Variants in MAD1L1 observed in about 807,000 individuals in gnomAD.
MAD1L1 encodes the protein mitotic arrest deficient 1 like 1.
MAD1L1 carries 95 observed loss-of-function variants against 96.9 expected under a neutral mutation model. That is an observed-to-expected ratio of 0.98 (90% CI 0.83 to 1.16). The LOEUF (loss-of-function observed/expected upper bound fraction) is 1.16, where lower values mean the gene tolerates loss of function less well. Among genes scored for constraint, MAD1L1 ranks in the 50% most tolerant of loss-of-function variants. MAD1L1 has a pLI of 0.00. For missense variants in MAD1L1, 1,007 were observed against 954.4 expected, an observed-to-expected ratio of 1.06 and a Z score of -0.73; for synonymous variants, 473 against 396.6, an observed-to-expected ratio of 1.19 and a Z score of -2.29.
Position 2,048,150 on chromosome 7 carries a change from C to G in MAD1L1, c.1218+21044G>C, listed in dbSNP as rs568510289. On this transcript the variant is annotated intron_variant, in intron 12 of 18. Transcript: ENST00000265854. ...TGTGTGCATGCATGCACACTGAGCA[C>G]CGACACGGGTGTGTTCATGAACACC... 9.9e-5 allele frequency among the ~76,000 whole-genome samples: 15 copies of G among 152,224 alleles called. 1 individual carries two copies. The highest frequency in any genetic ancestry group is 1.9e-4 in the Non-Finnish European group (13 of 68,032).
chr7:1,990,765 T>C (rs558997412), intron 14 of MAD1L1, among the ~76,000 whole-genome samples: 15 of 144,320 alleles, frequency 1.0e-4, no homozygotes, highest in African/African-American at 3.9e-4. Context: ...AGAGCGCCAC[T>C]GCTGGCCTCA....
intron 18 of MAD1L1, among the ~76,000 whole-genome samples, chr7:1,824,069 G>C (rs1209916725): frequency 1.3e-5 from 2 of 152,160 alleles, no homozygotes; most frequent in Non-Finnish European, 2.9e-5. Flanking sequence ...CTGACCGGGG[G>C]CTGCTCCCTC....
chr7:1,897,499 C>T (rs757450250), intron 18 of MAD1L1, among the ~76,000 whole-genome samples: 13 of 152,212 alleles, frequency 8.5e-5, no homozygotes, highest in Non-Finnish European at 1.3e-4. Context: ...GTTAGCTCAC[C>T]GGGGCAGTGA....
chr7:2,061,355 T>A (rs1026893091), intron 12 of MAD1L1, among the ~76,000 whole-genome samples: 2 of 98,702 alleles, frequency 2.0e-5, no homozygotes, highest in Non-Finnish European at 5.0e-5. Context: ...ATAATAAAAT[T>A]AAAATAAAAT....
chr7:2,042,778 C>T (rs1783745038), intron 12 of MAD1L1, among the ~76,000 whole-genome samples: 2 of 152,170 alleles, frequency 1.3e-5, no homozygotes, highest in South Asian at 2.1e-4. Context: ...CAGATGCCGG[C>T]GCTGTGCTTC....
intron 13 of MAD1L1, among the ~76,000 whole-genome samples, 162 bp from the exon 14 acceptor site, chr7:2,002,283 G>C (rs1327096956): frequency 2.6e-5 from 4 of 152,232 alleles, no homozygotes; most frequent in Non-Finnish European, 4.4e-5. Flanking sequence ...GCAGGGGCCA[G>C]TGTGGCTGCC....
chr7:2,002,180 A>G (rs1781828463), intron 13 of MAD1L1, 59 bp from the exon 14 acceptor site: 9 of 1,521,278 alleles, frequency 5.9e-6, no homozygotes, highest in Non-Finnish European at 8.2e-6. Flanking sequence ...CATTTCTAGG[A>G]CTGCAGGGAA....
At chr7:2,096,648 C>T (rs1188721484) in intron 11 of MAD1L1, among the ~76,000 whole-genome samples, 1 of 152,156 alleles carries the variant, frequency 6.6e-6, no homozygotes, top group Non-Finnish European at 1.5e-5. Context: ...AGCTCCTCGG[C>T]AGAGGACAGG....
At position 1,840,953 on chromosome 7, in the gene MAD1L1, C is replaced by T. The variant is rs189424372; in HGVS notation, c.1999-24725G>A. On this transcript the variant is annotated intron_variant, in intron 18 of 18. Coordinates refer to ENST00000265854, the MANE Select transcript of MAD1L1 (RefSeq NM_001013836.2). ...CAAGCCAGGATAGAGCAAACCCTGG[C>T]GGGGCCAGGTGGTCCCCGTGCGTTT... Among the ~76,000 whole-genome samples the T allele has an allele frequency of 1.5e-3, 231 of 152,356 alleles. 5 individuals are homozygous for T. The South Asian group carries it at 0.038, about 25-fold the overall frequency.
intron 11 of MAD1L1, among the ~76,000 whole-genome samples, chr7:2,074,861 G>A (rs546708620): frequency 6.6e-6 from 1 of 152,204 alleles, no homozygotes; most frequent in African/African-American, 2.4e-5. Flanking sequence ...GGGAGGGGTG[G>A]CGGGACAGCC....
At chr7:1,865,956 G>A (rs1013470395) in intron 18 of MAD1L1, among the ~76,000 whole-genome samples, 2 of 152,242 alleles carry the variant, frequency 1.3e-5, no homozygotes, top group Admixed American at 6.5e-5. Flanking sequence ...CCATCGGCCC[G>A]CAATGGGCCA....
At chr7:2,150,690 C>G (rs546101504) in intron 10 of MAD1L1, among the ~76,000 whole-genome samples, 1 of 152,232 alleles carries the variant, frequency 6.6e-6, no homozygotes, top group South Asian at 2.1e-4. Flanking sequence ...CTACCAAGAG[C>G]CTGTGAGCAG....
chr7:2,159,680 T>TA (rs778258401), intron 10 of MAD1L1, among the ~76,000 whole-genome samples: 2 of 152,230 alleles, frequency 1.3e-5, no homozygotes, highest in African/African-American at 2.4e-5. Flanking sequence ...ACTATCCGAC[T>TA]AAATGCTACG....
In MAD1L1 at chr7:2,103,313, C is replaced by G. The variant is rs1786913399; in HGVS notation, c.1074-33975G>C. 6.6e-6 allele frequency among the ~76,000 whole-genome samples: 1 copy of G among 152,162 alleles called. No individual in the cohort carries two copies. Among genetic ancestry groups the G allele is most frequent in the Non-Finnish European group, 1.5e-5 (1 of 68,030 alleles). On this transcript the variant is annotated intron_variant, in intron 11 of 18. Transcript: ENST00000265854. The surrounding 1 kb of genome is among the most constrained non-coding windows in gnomAD (Gnocchi z 4.3). ...GACGGGCCCTGCACACACAGTCATACCTGCGCTCCTGCACTCAGTGAAGGC... is the reference window on the plus strand; with the variant it reads ...GACGGGCCCTGCACACACAGTCATAGCTGCGCTCCTGCACTCAGTGAAGGC...
chr7:2,059,458 A>G (rs1257445108), intron 12 of MAD1L1, among the ~76,000 whole-genome samples: 128 of 78,564 alleles, frequency 1.6e-3, no homozygotes, highest in East Asian at 3.0e-3. Flanking sequence ...CAGAGGAGAG[A>G]AGAGGCGTGG....
chr7:2,135,198 G>A (rs1424798722), intron 11 of MAD1L1, among the ~76,000 whole-genome samples: 1 of 152,178 alleles, frequency 6.6e-6, no homozygotes, highest in East Asian at 1.9e-4. Flanking sequence ...CCTGTGTGTG[G>A]GGCCCTCAGG....
Position 2,230,054 on chromosome 7 carries a change from C to A in MAD1L1, c.80G>T (p.Gly27Val). The change falls in exon 3 of 19, where the codon GGA becomes GTA. Residue 27 changes from glycine (G) to valine (V), a missense_variant. Gly to Val is a moderately radical substitution (Grantham distance 109). Transcript: ENST00000265854. ...LNNFISQRVEGGSGLDISTSA... is the reference protein window; with the variant it reads ...LNNFISQRVEVGSGLDISTSA... Reference sequence around the variant, plus strand: ...GGTAGAAATATCCAGTCCAGAGCCTCCCTCCACACGCTGAGAGATGAAGTT... The same window carrying A: ...GGTAGAAATATCCAGTCCAGAGCCTACCTCCACACGCTGAGAGATGAAGTT... 1 of 1,613,648 alleles carries A rather than the reference C, an allele frequency of 6.2e-7. No individual in the cohort carries two copies. The highest frequency in any genetic ancestry group is 8.5e-7 in the Non-Finnish European group (1 of 1,179,874).
chr7:2,229,597 C>G (rs866044666), intron 3 of MAD1L1, among the ~76,000 whole-genome samples: 44 of 152,274 alleles, frequency 2.9e-4, no homozygotes, highest in African/African-American at 9.4e-4. Flanking sequence ...GCACTCTCAG[C>G]ACTGTGTTTC....
intron 14 of MAD1L1, among the ~76,000 whole-genome samples, chr7:1,986,200 G>A (rs968805216): frequency 2.0e-5 from 3 of 152,208 alleles, no homozygotes; most frequent in African/African-American, 4.8e-5. Flanking sequence ...CCTCCGGCAG[G>A]AGAGAAAGGA....
Sources: allele counts gnomAD v4.1 joint callset (sites outside exome capture counted in the v4.1 genomes callset), GRCh38; gene constraint gnomAD v4.1.1; non-coding constraint Gnocchi (gnomAD v3.1); transcripts MANE v1.5; gene names NCBI Gene and HGNC (gene_info 2026-07-23, HGNC 2026-07-21).